PPIP5K2: variants seen among roughly 807,000 people sequenced by gnomAD.
The protein encoded by PPIP5K2 is inositol hexakisphosphate and diphosphoinositol-pentakisphosphate kinase 2.
In PPIP5K2, 105 loss-of-function variants were observed where a neutral mutation model predicts 154.6. That is an observed-to-expected ratio of 0.68 (90% CI 0.58 to 0.80). The LOEUF is 0.80. PPIP5K2 is among the 30% of genes least tolerant of loss of function. PPIP5K2 has a pLI of 0.00. For synonymous variants in PPIP5K2, 480 were observed against 490.3 expected (o/e 0.98, Z 0.28); for missense variants, 992 against 1,504.6 (o/e 0.66, Z 5.64).
chr5:103,203,051 T>C lies in PPIP5K2; in HGVS notation c.*1417T>C, dbSNP rs8488. 0.24 allele frequency: 37,114 copies of C among 152,464 alleles called. 5,204 individuals are homozygous for C. The highest frequency in any genetic ancestry group is 0.45 in the East Asian group (2,315 of 5,168). 9.4% of individuals were successfully genotyped at this position (152,464 alleles called of 1,614,324 possible). On this transcript the variant is annotated 3_prime_UTR_variant, in exon 31 of 31. Coordinates refer to ENST00000358359, the MANE Select transcript of PPIP5K2 (RefSeq NM_001276277.3). ...ATTAAAGAAGTTCATAGATTTCACA[T>C]GAATGTAAATGTGTTATATGGAGAC...
At chr5:103,141,581 C>A (rs1196492509) in intron 5 of PPIP5K2, among the ~76,000 whole-genome samples, 1 of 152,152 alleles carries the variant, frequency 6.6e-6, no homozygotes, top group African/African-American at 2.4e-5. Flanking sequence ...CGTTTACAAT[C>A]CCTGAGCTAG....
intron 6 of PPIP5K2, among the ~76,000 whole-genome samples, chr5:103,147,058 G>T (rs963156379): frequency 6.6e-6 from 1 of 151,796 alleles, no homozygotes; most frequent in Non-Finnish European, 1.5e-5. Flanking sequence ...ATACTTAATT[G>T]TACTCAAATG....
chr5:103,200,715 A>T (rs1265053214), intron 30 of PPIP5K2, among the ~76,000 whole-genome samples: 3 of 151,724 alleles, frequency 2.0e-5, no homozygotes, highest in Non-Finnish European at 4.4e-5. Context: ...GGCTCACTGC[A>T]GCCTCAACCT....
chr5:103,205,092 G>A lies in PPIP5K2; in HGVS notation c.*3458G>A, dbSNP rs1226056116. On this transcript the variant is annotated 3_prime_UTR_variant, in exon 31 of 31. Transcript: ENST00000358359. ...CTCATTGTTCAGTTCCCTCTTATGA[G>A]TGAGAACATGCGGTGTTTGGTTTTC... 3 of 152,028 alleles carry A rather than the reference G, an allele frequency of 2.0e-5. No individual in the cohort carries two copies. Among genetic ancestry groups the A allele is most frequent in the Non-Finnish European group, 2.9e-5 (2 of 68,048 alleles). The allele number at this position is 152,028 out of a possible 1,614,324, so 9.4% of individuals were successfully genotyped here. A position where few individuals can be genotyped will look rare whatever the true frequency, so the allele number is the denominator to read the frequency against.
At chr5:103,164,125 C>A (rs542693385) in intron 17 of PPIP5K2, among the ~76,000 whole-genome samples, 1 of 151,994 alleles carries the variant, frequency 6.6e-6, no homozygotes, top group African/African-American at 2.4e-5. Flanking sequence ...TAGTACTTCT[C>A]AGTTATGTTT....
In PPIP5K2 at chr5:103,184,671, G is replaced by A; in HGVS notation, c.3097-1G>A. On this transcript the variant is annotated splice_acceptor_variant, in intron 25 of 30. Coordinates refer to ENST00000358359, the MANE Select transcript of PPIP5K2 (RefSeq NM_001276277.3). LOFTEE classifies it high-confidence loss of function. ...TCATTTATTTTGGATTCCTTATGCA[G>A]GTTGTATCTGAAAATGCTAATTACC... 6.2e-7 allele frequency: 1 copy of A among 1,608,984 alleles called. No individual in the cohort carries two copies. The highest frequency in any genetic ancestry group is 8.5e-7 in the Non-Finnish European group (1 of 1,175,758).
At chr5:103,138,602 C>T in intron 5 of PPIP5K2, 133 bp downstream of exon 5, 1 of 499,944 alleles carries the variant, frequency 2.0e-6, no homozygotes, top group South Asian at 3.8e-5. Context: ...ATAATCTAAA[C>T]AGACAAACAT....
intron 19 of PPIP5K2, among the ~76,000 whole-genome samples, chr5:103,171,797 T>G (rs545175687): frequency 6.6e-6 from 1 of 151,796 alleles, no homozygotes; most frequent in African/African-American, 2.4e-5. Flanking sequence ...AGCAAATACA[T>G]TCTTTATGAA....
At position 103,153,908 on chromosome 5, in the gene PPIP5K2, A is replaced by G. The variant is rs1795013456; in HGVS notation, c.1191A>G (p.Lys397=). The G allele has an allele frequency of 6.2e-7, 1 of 1,607,502 alleles. No homozygotes were observed. Among genetic ancestry groups the G allele is most frequent in the African/African-American group, 1.3e-5 (1 of 74,666 alleles). ...ATGGGGATCGAACACCAAAACAAAAAATGAAAATGGAAGTGAGACATCAGA... is the reference window on the plus strand; with the variant it reads ...ATGGGGATCGAACACCAAAACAAAAGATGAAAATGGAAGTGAGACATCAGA... ...IRHGDRTPKQ[K]MKMEVRHQKF... The change falls in exon 11 of 31, where the codon AAA becomes AAG. Residue 397 remains lysine (K), a synonymous_variant. Coordinates refer to ENST00000358359, the MANE Select transcript of PPIP5K2 (RefSeq NM_001276277.3).
At chr5:103,148,617 A>G (rs1794109405) in intron 7 of PPIP5K2, among the ~76,000 whole-genome samples, 1 of 152,088 alleles carries the variant, frequency 6.6e-6, no homozygotes, top group Non-Finnish European at 1.5e-5. Context: ...ATCCTGCCAT[A>G]CAAGATATTT....
chr5:103,206,297 T>C lies in PPIP5K2; in HGVS notation c.*4663T>C, dbSNP rs1280404688. ...TTGTTTTCTCTCGTGTTAACAATAA[T>C]TGCTGTCGGTTTCAGTGAGGACTAC... On this transcript the variant is annotated 3_prime_UTR_variant, in exon 31 of 31. Transcript: ENST00000358359. The C allele has an allele frequency of 2.0e-5, 3 of 152,208 alleles. No individual in the cohort carries two copies. Among genetic ancestry groups the C allele is most frequent in the Non-Finnish European group, 4.4e-5 (3 of 68,034 alleles). 9.4% of individuals were successfully genotyped at this position (152,208 alleles called of 1,614,324 possible).
intron 28 of PPIP5K2, among the ~76,000 whole-genome samples, chr5:103,189,579 A>T (rs1800908148): frequency 6.6e-6 from 1 of 152,060 alleles, no homozygotes; most frequent in Admixed American, 6.6e-5. Context: ...TAGGTGCTTT[A>T]GTTGCTGTTA....
At chr5:103,197,698 C>T (rs1314662943) in intron 30 of PPIP5K2, among the ~76,000 whole-genome samples, 7 of 150,468 alleles carry the variant, frequency 4.7e-5, no homozygotes, top group Admixed American at 3.3e-4. Context: ...GTCTCGGCCT[C>T]CTAAGTAGCT....
At position 103,201,760 on chromosome 5, in the gene PPIP5K2, G is replaced by A; in HGVS notation, c.*126G>A. On this transcript the variant is annotated 3_prime_UTR_variant, in exon 31 of 31. Coordinates refer to ENST00000358359, the MANE Select transcript of PPIP5K2 (RefSeq NM_001276277.3). ...TAAGGTTTTCTTTGTTTATGTTCAGGTAAGGAACTGTTGTCATGATCTGGA... is the reference window on the plus strand; with the variant it reads ...TAAGGTTTTCTTTGTTTATGTTCAGATAAGGAACTGTTGTCATGATCTGGA... 1 of 694,824 alleles carries A rather than the reference G, an allele frequency of 1.4e-6. No homozygotes were observed. Among genetic ancestry groups the A allele is most frequent in the Non-Finnish European group, 2.4e-6 (1 of 417,074 alleles). The allele number at this position is 694,824 out of a possible 1,614,324, so 43.0% of individuals were successfully genotyped here.
chr5:103,154,730 A>C lies in PPIP5K2; in HGVS notation c.1278A>C (p.Lys426Asn). 1.9e-6 allele frequency: 3 copies of C among 1,588,284 alleles called. No homozygotes were observed. The highest frequency in any genetic ancestry group is 2.6e-6 in the Non-Finnish European group (3 of 1,166,034). ...AATCAGGGAAATTAAAACTCAAAAAACCAAAACAGTTACAGGCAAGTGTAT... is the reference window on the plus strand; with the variant it reads ...AATCAGGGAAATTAAAACTCAAAAACCCAAAACAGTTACAGGCAAGTGTAT... ...GYKSGKLKLK[K>N]PKQLQEVLDI... is the part of the protein sequence containing the mutation. Residue 426 changes from lysine to asparagine, a missense_variant, in exon 12 of 31, where the codon AAA becomes AAC. Lys to Asn is a moderately conservative substitution (Grantham distance 94). Coordinates refer to ENST00000358359, the MANE Select transcript of PPIP5K2 (RefSeq NM_001276277.3).
chr5:103,152,184 T>C (rs560018520), intron 9 of PPIP5K2, among the ~76,000 whole-genome samples: 53 of 152,078 alleles, frequency 3.5e-4, no homozygotes, highest in African/African-American at 1.2e-3. Flanking sequence ...AAATAAATGC[T>C]AAATTTAAAC....
chr5:103,195,148 C>T (rs1801880446), intron 30 of PPIP5K2, 123 bp downstream of exon 30: 1 of 1,230,988 alleles, frequency 8.1e-7, no homozygotes, highest in African/African-American at 1.5e-5. Flanking sequence ...CGTAATGATC[C>T]TAAGGGTTAA....
chr5:103,121,509 C>G (rs967312985), intron 1 of PPIP5K2, among the ~76,000 whole-genome samples: 1 of 152,284 alleles, frequency 6.6e-6, no homozygotes, highest in South Asian at 2.1e-4. Flanking sequence ...ATTCTATTGT[C>G]CTGTCCTGTT....
chr5:103,154,884 T>C lies in PPIP5K2; in HGVS notation c.1344T>C (p.Asn448=), dbSNP rs1795164710. Reference sequence around the variant, plus strand: ...TTCTTATGGAGCTAGGGCAAAATAATGATTCTGAAATTGAAGAAAACAAGC... The same window carrying C: ...TTCTTATGGAGCTAGGGCAAAATAACGATTCTGAAATTGAAGAAAACAAGC... ...RQLLMELGQN[N]DSEIEENKPK... is the part of the protein sequence containing the mutation. Residue 448 remains asparagine (N), a synonymous_variant, in exon 13 of 31, where the codon AAT becomes AAC. Transcript: ENST00000358359. The C allele has an allele frequency of 1.9e-6, 3 of 1,606,014 alleles. No homozygotes were observed. Among genetic ancestry groups the C allele is most frequent in the Non-Finnish European group, 1.7e-6 (2 of 1,176,676 alleles).
Sources: gnomAD v4.1 joint callset for allele counts (sites outside exome capture counted in the v4.1 genomes callset) on GRCh38, gnomAD v4.1.1 for gene constraint, MANE v1.5 for transcripts, NCBI Gene and HGNC (gene_info 2026-07-23, HGNC 2026-07-21) for gene names.